The following NSRP1 variants were observed in gnomAD, a reference collection of about 807,000 sequenced individuals.
NSRP1 encodes the protein coiled-coil domain containing 55.
NSRP1 carries 24 observed loss-of-function variants against 54.7 expected under a neutral mutation model. The observed-to-expected ratio is 0.44, with a 90% CI of 0.32 to 0.62. NSRP1 has a LOEUF of 0.62. Among genes scored for constraint, NSRP1 ranks in the 20% least tolerant of loss-of-function variants. NSRP1 has a pLI of 0.06. For synonymous variants in NSRP1, 210 were observed against 213.8 expected (o/e 0.98, Z 0.15); for missense variants, 596 against 651.2 (o/e 0.92, Z 0.92).
intron 6 of NSRP1, among the ~76,000 whole-genome samples, chr17:30,182,774 A>G (rs1002751222): frequency 6.6e-6 from 1 of 151,990 alleles, no homozygotes; most frequent in African/African-American, 2.4e-5. Flanking sequence ...CTCTACTAAA[A>G]ATACAAAAAA....
At chr17:30,118,254 G>A (rs1031995489) in intron 2 of NSRP1, 81 bp downstream of exon 2, 2 of 1,094,486 alleles carry the variant, frequency 1.8e-6, no homozygotes, top group African/African-American at 1.6e-5. Flanking sequence ...TGATACCTTT[G>A]CCTTTGTTAT....
At chr17:30,152,309 A>G (rs760131498) in intron 2 of NSRP1, among the ~76,000 whole-genome samples, 47 of 151,278 alleles carry the variant, frequency 3.1e-4, no homozygotes, top group Non-Finnish European at 5.2e-4. Flanking sequence ...TAGTAGAGAC[A>G]GGGTTTCATT....
chr17:30,116,888 A>G, intron 1 of NSRP1, 25 bp downstream of exon 1: 1 of 1,566,494 alleles, frequency 6.4e-7, no homozygotes, highest in Non-Finnish European at 8.7e-7. Context: ...AGTTAGGGTC[A>G]GGCTGGGGGA....
chr17:30,141,373 C>G (rs1290585446), intron 2 of NSRP1, among the ~76,000 whole-genome samples: 1 of 152,220 alleles, frequency 6.6e-6, no homozygotes, highest in Non-Finnish European at 1.5e-5. Flanking sequence ...TGTTTTGATT[C>G]TGTTTTTAAT....
intron 2 of NSRP1, among the ~76,000 whole-genome samples, chr17:30,126,822 CAAAGT>C (rs1742445002): frequency 6.6e-6 from 1 of 152,202 alleles, no homozygotes; most frequent in South Asian, 2.1e-4. Flanking sequence ...CTCTTGAGCT[CAAAGT>C]AAAACGCCCA....
intron 2 of NSRP1, among the ~76,000 whole-genome samples, chr17:30,135,012 T>A (rs553018030): frequency 4.6e-5 from 7 of 151,722 alleles, no homozygotes; most frequent in East Asian, 1.9e-4. Context: ...ATATATATAT[T>A]TTTTGAACAG....
At chr17:30,141,391 G>A (rs576089831) in intron 2 of NSRP1, among the ~76,000 whole-genome samples, 15 of 152,182 alleles carry the variant, frequency 9.9e-5, no homozygotes, top group Middle Eastern at 3.4e-3. Context: ...AATATAAAAC[G>A]TTTAGAATTA....
intron 2 of NSRP1, chr17:30,144,906 T>A (rs1404184813): frequency 6.6e-6 from 1 of 152,156 alleles, no homozygotes; most frequent in African/African-American, 2.4e-5. Flanking sequence ...GCTGCTTGGA[T>A]ATCCGTGTTT....
intron 6 of NSRP1, among the ~76,000 whole-genome samples, chr17:30,183,473 T>A (rs1202152365): frequency 6.6e-6 from 1 of 152,226 alleles, no homozygotes; most frequent in Non-Finnish European, 1.5e-5. Context: ...TCTGGAATAT[T>A]TATTAGGCTG....
chr17:30,138,913 T>TTG, intron 2 of NSRP1, among the ~76,000 whole-genome samples: 1 of 126,276 alleles, frequency 7.9e-6, no homozygotes, highest in Non-Finnish European at 1.7e-5. Flanking sequence ...CTTAGCGTTT[T>TTG]TTTTTTTTTT....
At position 30,179,413 on chromosome 17, in the gene NSRP1, A is replaced by G. The variant is rs191574672; in HGVS notation, c.508+116A>G. 10,414 of 1,367,458 alleles carry G rather than the reference A, an allele frequency of 7.6e-3. 43 individuals are homozygous for G. Among genetic ancestry groups the G allele is most frequent in the Non-Finnish European group, 9.2e-3 (9,722 of 1,054,760 alleles). The allele number at this position is 1,367,458 out of a possible 1,614,324, so 84.7% of individuals were successfully genotyped here. ...TTATGAGTTTGTGATCATAATTTAT[A>G]TATAGGAATTCAAGACACAAGGAAT... On this transcript the variant is annotated intron_variant, in intron 5 of 6. Transcript: ENST00000247026.
intron 2 of NSRP1, among the ~76,000 whole-genome samples, chr17:30,161,371 C>G (rs1368200489): frequency 1.3e-5 from 2 of 152,104 alleles, no homozygotes; most frequent in African/African-American, 2.4e-5. Context: ...TGTCTCTTGT[C>G]TGTGGATCTG....
intron 6 of NSRP1, among the ~76,000 whole-genome samples, chr17:30,182,224 G>A (rs1254454995): frequency 1.3e-5 from 2 of 152,130 alleles, no homozygotes; most frequent in Non-Finnish European, 2.9e-5. Flanking sequence ...TGTATAAAAA[G>A]GAAAGTGGTT....
At chr17:30,128,838 T>C (rs924080146) in intron 2 of NSRP1, among the ~76,000 whole-genome samples, 5 of 151,842 alleles carry the variant, frequency 3.3e-5, no homozygotes, top group African/African-American at 7.2e-5. Context: ...AAATTTGTTA[T>C]AGATAAAAGG....
At chr17:30,135,143 G>T (rs1376295943) in intron 2 of NSRP1, among the ~76,000 whole-genome samples, 2 of 151,982 alleles carry the variant, frequency 1.3e-5, no homozygotes, top group African/African-American at 4.8e-5. Flanking sequence ...ATTTGAGACA[G>T]GGTCTTACTC....
intron 2 of NSRP1, among the ~76,000 whole-genome samples, chr17:30,171,976 C>CTCTCTCT (rs1567804388): frequency 6.2e-5 from 5 of 80,432 alleles, no homozygotes; most frequent in South Asian, 5.3e-4. Flanking sequence ...ACACACACTC[C>CTCTCTCT]CTCTCTCTCT....
chr17:30,149,241 G>A (rs768252056), intron 2 of NSRP1, among the ~76,000 whole-genome samples: 37 of 152,100 alleles, frequency 2.4e-4, no homozygotes, highest in Non-Finnish European at 3.8e-4. Flanking sequence ...ATAGAGATGG[G>A]GTCTTGCTGT....
chr17:30,140,482 A>G (rs1044865532), intron 2 of NSRP1, among the ~76,000 whole-genome samples: 1 of 94,492 alleles, frequency 1.1e-5, no homozygotes, highest in African/African-American at 4.0e-5. Context: ...GTCCTTCACT[A>G]TTTCAGTTTC....
intron 2 of NSRP1, chr17:30,122,377 ATATATATATTTTTTTTTTTTTTTT>A (rs2071609942): frequency 2.6e-4 from 7 of 26,748 alleles, no homozygotes; most frequent in Admixed American, 2.0e-3. Flanking sequence ...ATATATATAT[ATATATATATTTTTTTTTTTTTTTT>A]TTTTTTTTTT....
Sources: allele counts gnomAD v4.1 joint callset (sites outside exome capture counted in the v4.1 genomes callset), GRCh38; gene constraint gnomAD v4.1.1; transcripts MANE v1.5; gene names NCBI Gene and HGNC (gene_info 2026-07-23, HGNC 2026-07-21).